The following UBXN2A variants were observed in gnomAD, a reference collection of about 807,000 sequenced individuals.
The protein encoded by UBXN2A is UBX domain-containing protein 2A.
Under a neutral mutation model 28.4 loss-of-function variants are expected in UBXN2A, and 28 were observed. The ratio of observed to expected loss-of-function variants is 0.99; its 90% CI spans 0.73 to 1.35. The LOEUF is 1.35. Ranked by LOEUF, UBXN2A falls within the 40% of genes most tolerant of loss-of-function variation. UBXN2A has a pLI of 0.00. For missense variants in UBXN2A, 253 were observed against 297.9 expected (o/e 0.85, Z 1.11); for synonymous variants, 97 against 103.6 (o/e 0.94, Z 0.39).
At chr2:23,935,640 A>G (rs1207822591), upstream of UBXN2A, among the ~76,000 whole-genome samples, 2 of 152,242 alleles carry the variant, frequency 1.3e-5, no homozygotes. Flanking sequence ...AAATTAGAAC[A>G]CTAGTACATC....
At chr2:23,927,514 C>G (rs1463491496) in exon 1 of UBXN2A, 1 of 152,198 alleles carries the variant, frequency 6.6e-6, no homozygotes, top group South Asian at 2.1e-4. Flanking sequence ...CCAAGCTACC[C>G]GAGGCAAGAC....
At position 24,001,056 on chromosome 2, in the gene UBXN2A, A is replaced by G. The variant is rs1364002269; in HGVS notation, c.*1189A>G. 8 of 152,318 alleles carry G rather than the reference A, an allele frequency of 5.3e-5. No individual in the cohort carries two copies. Among genetic ancestry groups the G allele is most frequent in the Non-Finnish European group, 1.0e-4 (7 of 68,062 alleles). The allele number at this position is 152,318 out of a possible 1,614,324, so 9.4% of individuals were successfully genotyped here. On this transcript the variant is annotated 3_prime_UTR_variant, in exon 7 of 7. Coordinates refer to ENST00000309033, the MANE Select transcript of UBXN2A (RefSeq NM_181713.4). ...GCCCAGGCTGGAGTGCAGTGGCGCA[A>G]TCTCAGCTCACCACAACCTCCACCT... is the stretch of plus-strand genomic sequence containing the variant.
At chr2:23,943,164 C>T (rs1442220316) in intron 1 of UBXN2A, among the ~76,000 whole-genome samples, 1 of 151,814 alleles carries the variant, frequency 6.6e-6, no homozygotes. Context: ...ACTGTGTTGG[C>T]CAGGCTGGTC....
intron 3 of UBXN2A, among the ~76,000 whole-genome samples, chr2:23,971,682 G>T (rs1448924013): frequency 6.6e-6 from 1 of 152,066 alleles, no homozygotes; most frequent in African/African-American, 2.4e-5. Context: ...TAGAGACGGG[G>T]TCTTGCTTTG....
At chr2:23,949,996 C>G (rs1706282808) in intron 1 of UBXN2A, among the ~76,000 whole-genome samples, 2 of 147,972 alleles carry the variant, frequency 1.4e-5, no homozygotes, top group African/African-American at 2.5e-5. Flanking sequence ...AATTTCTCAT[C>G]ATCCCCCCAC....
chr2:23,950,033 T>G (rs1161488531), intron 1 of UBXN2A, among the ~76,000 whole-genome samples: 1 of 84,052 alleles, frequency 1.2e-5, no homozygotes, highest in Non-Finnish European at 2.1e-5. Context: ...ACCCCAAGGA[T>G]CGCTACTCTT....
chr2:23,958,542 G>C (rs955829342), intron 2 of UBXN2A, among the ~76,000 whole-genome samples, 187 bp downstream of exon 2: 15 of 152,136 alleles, frequency 9.9e-5, no homozygotes, highest in African/African-American at 3.4e-4. Context: ...TGAAGTTACT[G>C]AATGTTTTTT....
chr2:23,942,683 T>G lies in UBXN2A; in HGVS notation c.-15+2035T>G, dbSNP rs1413777643. 2.0e-5 allele frequency among the ~76,000 whole-genome samples: 3 copies of G among 151,900 alleles called. 1 individual carries two copies. In the East Asian group the frequency reaches 5.9e-4, roughly 30 times the overall value. ...ATCCACCCACCTCGGCCTCCCAGAGTGCTGGGATTACAGACGTGAGCCACC... is the reference window on the plus strand; with the variant it reads ...ATCCACCCACCTCGGCCTCCCAGAGGGCTGGGATTACAGACGTGAGCCACC... On this transcript the variant is annotated intron_variant, in intron 1 of 6. Transcript: ENST00000309033.
intron 2 of UBXN2A, 24 bp downstream of exon 2, chr2:23,958,379 C>A: frequency 1.3e-6 from 2 of 1,585,976 alleles, no homozygotes; most frequent in South Asian, 1.2e-5. Flanking sequence ...AACTGAATTG[C>A]TTTGTTAATG....
intron 2 of UBXN2A, among the ~76,000 whole-genome samples, chr2:23,966,719 A>G (rs181055786): frequency 0.023 from 3,190 of 136,364 alleles, 52 homozygotes; most frequent in Middle Eastern, 0.047. Flanking sequence ...CCAAAGTGCT[A>G]GGATTACAGG....
chr2:23,934,764 T>A (rs1409975196), intron 1 of UBXN2A, among the ~76,000 whole-genome samples: 3 of 149,158 alleles, frequency 2.0e-5, no homozygotes, highest in Non-Finnish European at 3.0e-5. Flanking sequence ...AAGAATAGAG[T>A]GGAGATAAAT....
intron 2 of UBXN2A, chr2:23,968,840 A>G (rs551874138): frequency 6.6e-6 from 1 of 152,492 alleles, no homozygotes; most frequent in South Asian, 2.1e-4. Flanking sequence ...GAACAACCAG[A>G]AACCATCTTT....
At chr2:23,947,098 G>C (rs1706124609) in intron 1 of UBXN2A, among the ~76,000 whole-genome samples, 1 of 152,078 alleles carries the variant, frequency 6.6e-6, no homozygotes, top group African/African-American at 2.4e-5. Context: ...GTGTTGCCTA[G>C]GCTGATCTTG....
At chr2:23,981,666 G>A (rs1419756101) in intron 4 of UBXN2A, among the ~76,000 whole-genome samples, 1 of 151,680 alleles carries the variant, frequency 6.6e-6, no homozygotes, top group Non-Finnish European at 1.5e-5. Flanking sequence ...GGCTGAGGTG[G>A]GCAGATCACT....
At chr2:23,953,130 C>G (rs1009490256) in intron 1 of UBXN2A, among the ~76,000 whole-genome samples, 5 of 152,062 alleles carry the variant, frequency 3.3e-5, no homozygotes, top group Non-Finnish European at 7.4e-5. Flanking sequence ...TTTGAAATTA[C>G]TGCTACTCTT....
chr2:23,932,025 AAAAG>A (rs1419244247), intron 1 of UBXN2A, among the ~76,000 whole-genome samples: 1 of 151,452 alleles, frequency 6.6e-6, no homozygotes, highest in African/African-American at 2.4e-5. Flanking sequence ...AAAAAAAAGA[AAAAG>A]AAAAAGCAGG....
chr2:23,991,253 G>A (rs1341998970), intron 6 of UBXN2A, among the ~76,000 whole-genome samples: 3 of 151,788 alleles, frequency 2.0e-5, no homozygotes, highest in African/African-American at 7.3e-5. Flanking sequence ...TATATAATTG[G>A]GTCCAGCAGA....
chr2:23,973,568 G>A (rs564015114), intron 3 of UBXN2A, among the ~76,000 whole-genome samples: 1 of 151,486 alleles, frequency 6.6e-6, no homozygotes, highest in African/African-American at 2.4e-5. Context: ...TCAATCTCCT[G>A]ACCTCGTGAT....
At chr2:23,951,941 A>C (rs1313394248) in intron 1 of UBXN2A, among the ~76,000 whole-genome samples, 7 of 150,294 alleles carry the variant, frequency 4.7e-5, no homozygotes, top group African/African-American at 1.2e-4. Context: ...ATGGGCATAG[A>C]GTTATGATTT....
Sources: allele counts gnomAD v4.1 joint callset (sites outside exome capture counted in the v4.1 genomes callset), GRCh38; gene constraint gnomAD v4.1.1; transcripts MANE v1.5; gene names NCBI Gene and HGNC (gene_info 2026-07-23, HGNC 2026-07-21).